RANBP17: variants seen among roughly 807,000 people sequenced by gnomAD.
RANBP17 encodes the protein RAN binding protein 17, also known as ran-binding protein 17.
In RANBP17, 158 loss-of-function variants were observed where a neutral mutation model predicts 141.2. That is an observed-to-expected ratio of 1.12 (90% CI 0.98 to 1.28). The LOEUF (loss-of-function observed/expected upper bound fraction) is 1.28, where lower values mean the gene tolerates loss of function less well. Ranked by LOEUF, RANBP17 falls within the 50% of genes most tolerant of loss-of-function variation. RANBP17 has a pLI of 0.00. For missense variants in RANBP17, 1,438 were observed against 1,290.7 expected (o/e 1.11, Z -1.75); for synonymous variants, 430 against 450.0 (o/e 0.96, Z 0.56).
chr5:170,903,849 A>G, intron 5 of RANBP17: 2 of 456,346 alleles, frequency 4.4e-6, no homozygotes, highest in South Asian at 3.8e-5. Flanking sequence ...CAACCTAACA[A>G]GCTCCGCAAG....
At chr5:171,256,470 T>C (rs1765903547) in intron 24 of RANBP17, among the ~76,000 whole-genome samples, 1 of 152,004 alleles carries the variant, frequency 6.6e-6, no homozygotes, top group Non-Finnish European at 1.5e-5. Context: ...AGTGGAAAGA[T>C]TACAAATTAA....
chr5:171,016,460 A>G (rs1440974240), intron 14 of RANBP17, among the ~76,000 whole-genome samples: 1 of 151,980 alleles, frequency 6.6e-6, no homozygotes, highest in Non-Finnish European at 1.5e-5. Context: ...TAATATGATT[A>G]TCAATATGGC....
At chr5:170,983,067 A>G (rs1386279596) in intron 14 of RANBP17, 4 of 507,254 alleles carry the variant, frequency 7.9e-6, no homozygotes, top group African/African-American at 5.7e-5. Flanking sequence ...TTTACCAGGA[A>G]GTTGCTGGAG....
chr5:170,867,503 T>G (rs1767357381), intron 1 of RANBP17, among the ~76,000 whole-genome samples: 1 of 152,156 alleles, frequency 6.6e-6, no homozygotes, highest in African/African-American at 2.4e-5. Flanking sequence ...CCTTCAGGGA[T>G]ACTCAGGAAA....
intron 14 of RANBP17, among the ~76,000 whole-genome samples, chr5:171,047,136 C>T (rs991300956): frequency 1.3e-4 from 19 of 148,846 alleles, no homozygotes; most frequent in African/African-American, 4.7e-4. Context: ...TCCTGCTTCA[C>T]TTCCCGAGTA....
At chr5:170,979,873 A>C (rs375406858) in intron 14 of RANBP17, among the ~76,000 whole-genome samples, 12 of 152,306 alleles carry the variant, frequency 7.9e-5, no homozygotes, top group African/African-American at 2.6e-4. Context: ...TGTGGAAGCA[A>C]CTTTGGAACT....
intron 14 of RANBP17, among the ~76,000 whole-genome samples, chr5:171,109,978 G>A (rs1402210560): frequency 1.3e-5 from 2 of 152,140 alleles, no homozygotes; most frequent in Non-Finnish European, 2.9e-5. Flanking sequence ...ATTTAGGGGT[G>A]AGATGAGGGT....
intron 14 of RANBP17, among the ~76,000 whole-genome samples, chr5:171,129,493 G>A (rs553104414): frequency 1.1e-4 from 16 of 152,268 alleles, no homozygotes; most frequent in African/African-American, 3.9e-4. Flanking sequence ...TGGCACTGTA[G>A]TCAAGCCCAG....
chr5:170,997,272 A>T (rs1202779312), intron 14 of RANBP17, among the ~76,000 whole-genome samples: 1 of 152,196 alleles, frequency 6.6e-6, no homozygotes, highest in Non-Finnish European at 1.5e-5. Flanking sequence ...TAAATTACCC[A>T]GTCTTGGGCT....
intron 12 of RANBP17, among the ~76,000 whole-genome samples, chr5:170,936,160 TGA>T (rs1230035158): frequency 4.6e-5 from 7 of 152,198 alleles, no homozygotes; most frequent in Non-Finnish European, 1.0e-4. Flanking sequence ...AGTATTAGGG[TGA>T]GAGTGTCCCG....
chr5:171,285,733 C>T (rs1437098870), intron 25 of RANBP17, among the ~76,000 whole-genome samples: 2 of 152,204 alleles, frequency 1.3e-5, no homozygotes, highest in Admixed American at 6.5e-5. Flanking sequence ...ATGAGACTCA[C>T]AGTGGTGTAG....
At chr5:171,101,402 A>G (rs1359068646) in intron 14 of RANBP17, among the ~76,000 whole-genome samples, 4 of 152,162 alleles carry the variant, frequency 2.6e-5, no homozygotes, top group Non-Finnish European at 5.9e-5. Flanking sequence ...CTGTTTTATC[A>G]AGGGCGAAGA....
intron 18 of RANBP17, among the ~76,000 whole-genome samples, chr5:171,196,992 T>C (rs1456613658): frequency 6.6e-6 from 1 of 152,160 alleles, no homozygotes; most frequent in Non-Finnish European, 1.5e-5. Flanking sequence ...GCATCCATTC[T>C]TTCTAGCACC....
At chr5:171,251,820 C>A in intron 24 of RANBP17, 1 of 1,245,646 alleles carries the variant, frequency 8.0e-7, no homozygotes, top group Non-Finnish European at 1.2e-6. Context: ...GGATGTAAAT[C>A]CTAATGACAG....
At chr5:171,007,715 G>A (rs186299930) in intron 14 of RANBP17, among the ~76,000 whole-genome samples, 419 of 152,182 alleles carry the variant, frequency 2.8e-3, no homozygotes, top group Non-Finnish European at 5.0e-3. Flanking sequence ...CAAAAGTGCC[G>A]TTTTCTGGCC....
At chr5:170,897,202 G>T (rs899605133) in intron 5 of RANBP17, 1 of 702,724 alleles carries the variant, frequency 1.4e-6, no homozygotes, top group African/African-American at 1.8e-5. Context: ...ATTGGGCTGT[G>T]GATCACAAAG....
chr5:171,148,533 A>C (rs556738788), intron 14 of RANBP17, among the ~76,000 whole-genome samples: 4 of 152,170 alleles, frequency 2.6e-5, no homozygotes, highest in Admixed American at 2.6e-4. Flanking sequence ...ATGCTATCAG[A>C]TACTTGTAAA....
At chr5:171,237,836 G>A (rs1410809043) in intron 22 of RANBP17, among the ~76,000 whole-genome samples, 1 of 152,114 alleles carries the variant, frequency 6.6e-6, no homozygotes, top group Non-Finnish European at 1.5e-5. Context: ...GGAGCAGGGA[G>A]GACAAGGAGG....
chr5:171,218,166 G>A (rs1763337699), intron 21 of RANBP17, among the ~76,000 whole-genome samples: 1 of 152,124 alleles, frequency 6.6e-6, no homozygotes, highest in Admixed American at 6.6e-5. Context: ...TCATTCAGGA[G>A]CAGGTTGTTC....
Sources: gnomAD v4.1 joint callset for allele counts (sites outside exome capture counted in the v4.1 genomes callset) on GRCh38, gnomAD v4.1.1 for gene constraint, MANE v1.5 for transcripts, NCBI Gene and HGNC (gene_info 2026-07-23, HGNC 2026-07-21) for gene names.